The following PRKCH variants were observed in gnomAD, a reference collection of about 807,000 sequenced individuals.
PRKCH encodes protein kinase C eta type.
In PRKCH, 28 loss-of-function variants were observed where a neutral mutation model predicts 82.5. That is an observed-to-expected ratio of 0.34 (90% CI 0.25 to 0.47). The LOEUF (loss-of-function observed/expected upper bound fraction) is 0.47. Among genes scored for constraint, PRKCH ranks in the 20% least tolerant of loss-of-function variants. The pLI is 1.00. For synonymous variants in PRKCH, 322 were observed against 327.4 expected, an observed-to-expected ratio of 0.98 and a Z score of 0.18; for missense variants, 705 against 881.8, an observed-to-expected ratio of 0.80 and a Z score of 2.54.
intron 7 of PRKCH, among the ~76,000 whole-genome samples, chr14:61,456,089 T>C (rs1884753682): frequency 6.6e-6 from 1 of 152,230 alleles, no homozygotes; most frequent in Non-Finnish European, 1.5e-5. Flanking sequence ...ACAATACAGC[T>C]TAAGTTTATT....
At chr14:61,359,814 C>A (rs1444490410) in intron 1 of PRKCH, among the ~76,000 whole-genome samples, 3 of 152,198 alleles carry the variant, frequency 2.0e-5, no homozygotes, top group Non-Finnish European at 4.4e-5. Context: ...AAATTAAGTT[C>A]ATCAATTATA....
chr14:61,440,831 G>A (rs567621689), intron 2 of PRKCH, among the ~76,000 whole-genome samples: 54 of 152,080 alleles, frequency 3.6e-4, no homozygotes, highest in Non-Finnish European at 6.8e-4. Context: ...CTGAGAACAC[G>A]CCACTGCACT....
chr14:61,405,814 T>A (rs1483293324), intron 2 of PRKCH, among the ~76,000 whole-genome samples: 8 of 152,302 alleles, frequency 5.3e-5, no homozygotes, highest in African/African-American at 1.7e-4. Context: ...AGGGACTTAG[T>A]ATATAGCTTT....
chr14:61,461,374 G>C lies in PRKCH; in HGVS notation c.1278+3695G>C, dbSNP rs1409447101. 4.6e-5 allele frequency among the ~76,000 whole-genome samples: 7 copies of C among 152,198 alleles called. No individual in the cohort carries two copies. In the East Asian group the frequency reaches 5.8e-4, roughly 13 times the overall value. ...GCTTGAGGCTTGAGAGGGATAGCTGGTAGCTGATACTGGTTGCCCGCCGGG... is the reference window on the plus strand; with the variant it reads ...GCTTGAGGCTTGAGAGGGATAGCTGCTAGCTGATACTGGTTGCCCGCCGGG... On this transcript the variant is annotated intron_variant, in intron 9 of 13. Coordinates refer to ENST00000332981, the MANE Select transcript of PRKCH (RefSeq NM_006255.5).
rs778140735 is a variant in PRKCH, at chr14:61,322,503, C to A, written c.363+39C>A. 12 of 1,559,718 alleles carry A rather than the reference C, an allele frequency of 7.7e-6. No individual in the cohort carries two copies. The South Asian group carries it at 1.4e-4, about 18-fold the overall frequency. ...ACCCCTTCCCTTTGTGTCCACCCAA[C>A]CCCCGTTCCCCTTATGTTTTTCAAA... is the stretch of plus-strand genomic sequence containing the variant. On this transcript the variant is annotated intron_variant, in intron 1 of 13. Coordinates refer to ENST00000332981, the MANE Select transcript of PRKCH (RefSeq NM_006255.5).
chr14:61,470,637 A>T (rs1214791998), intron 9 of PRKCH, among the ~76,000 whole-genome samples: 1 of 152,028 alleles, frequency 6.6e-6, no homozygotes, highest in Admixed American at 6.5e-5. Context: ...ATTCTTAGTT[A>T]TAGCAAAAGA....
At chr14:61,485,468 A>C in intron 9 of PRKCH, 34 bp from the exon 10 acceptor site, 1 of 1,607,000 alleles carries the variant, frequency 6.2e-7, no homozygotes, top group Non-Finnish European at 8.5e-7. Context: ...TAATTGCTAC[A>C]CCACATTGGG....
At chr14:61,240,962 C>CAATTT (rs3053260) in intron 1 of PRKCH, among the ~76,000 whole-genome samples, 150,757 of 152,158 alleles carry the variant, frequency 0.99, 74,703 homozygotes, top group Middle Eastern at 1. Context: ...AGCTCTAATT[C>CAATTT]AATTCTGACA....
chr14:61,236,241 C>T (rs2140062708), intron 1 of PRKCH, among the ~76,000 whole-genome samples: 1 of 151,300 alleles, frequency 6.6e-6, no homozygotes, highest in East Asian at 2.0e-4. Context: ...GTAGCAGTGT[C>T]AGAGGCGTGT....
At chr14:61,325,033 A>G in intron 1 of PRKCH, among the ~76,000 whole-genome samples, 1 of 152,230 alleles carries the variant, frequency 6.6e-6, no homozygotes, top group Non-Finnish European at 1.5e-5. Context: ...AATATGGTTA[A>G]GATCTCAATT....
At chr14:61,239,955 C>CT (rs2044822016) in intron 1 of PRKCH, among the ~76,000 whole-genome samples, 1 of 152,164 alleles carries the variant, frequency 6.6e-6, no homozygotes, top group East Asian at 1.9e-4. Flanking sequence ...GTATATTTTA[C>CT]TTTTTTGTTG....
chr14:61,249,522 CAA>C (rs374942372), intron 1 of PRKCH, among the ~76,000 whole-genome samples: 158 of 121,250 alleles, frequency 1.3e-3, no homozygotes, highest in African/African-American at 5.1e-3. Context: ...CGAAGCTTTC[CAA>C]AAAAAAAAAA....
chr14:61,504,806 A>G (rs1426659099), intron 10 of PRKCH, among the ~76,000 whole-genome samples: 4 of 152,164 alleles, frequency 2.6e-5, no homozygotes, highest in African/African-American at 9.7e-5. Context: ...TATGTCCTTT[A>G]TATGAGATGT....
intron 1 of PRKCH, among the ~76,000 whole-genome samples, chr14:61,357,381 C>T (rs1390755473): frequency 6.6e-6 from 1 of 152,232 alleles, no homozygotes; most frequent in African/African-American, 2.4e-5. Context: ...CTGATGCCTG[C>T]AAACTTATGT....
intron 1 of PRKCH, among the ~76,000 whole-genome samples, chr14:61,234,415 C>T (rs1436579079): frequency 1.3e-5 from 2 of 152,074 alleles, no homozygotes; most frequent in Non-Finnish European, 2.9e-5. Flanking sequence ...ATAGTCATCC[C>T]GGCATCCCTC....
intron 2 of PRKCH, among the ~76,000 whole-genome samples, chr14:61,430,747 A>C (rs549074911): frequency 7.2e-6 from 1 of 139,396 alleles, no homozygotes; most frequent in East Asian, 2.1e-4. Flanking sequence ...TAAGCTCTTA[A>C]TCAGCAGCTT....
chr14:61,219,450 T>G (rs1409732152), intron 1 of PRKCH, among the ~76,000 whole-genome samples: 1 of 152,168 alleles, frequency 6.6e-6, no homozygotes, highest in Non-Finnish European at 1.5e-5. Flanking sequence ...AAGCCTTGAG[T>G]CATCTCTGTT....
chr14:61,391,333 G>A (rs1438222345), intron 2 of PRKCH, 45 bp downstream of exon 2: 1 of 1,466,730 alleles, frequency 6.8e-7, no homozygotes, highest in Non-Finnish European at 9.4e-7. Flanking sequence ...TGTAATCTTG[G>A]TTTACACTCA....
At chr14:61,451,222 CAAAT>C (rs997696429) in intron 6 of PRKCH, among the ~76,000 whole-genome samples, 2 of 152,014 alleles carry the variant, frequency 1.3e-5, no homozygotes, top group Non-Finnish European at 2.9e-5. Context: ...CGCTAGCTGA[CAAAT>C]ACAGCCTAGA....
Sources: allele counts gnomAD v4.1 joint callset (sites outside exome capture counted in the v4.1 genomes callset), GRCh38; gene constraint gnomAD v4.1.1; transcripts MANE v1.5; gene names NCBI Gene and HGNC (gene_info 2026-07-23, HGNC 2026-07-21).